Variants in CSNK1G3 observed in about 807,000 individuals in gnomAD.
CSNK1G3 encodes the protein casein kinase 1 gamma 3, also known as casein kinase I isoform gamma-3.
Under a neutral mutation model 64.3 loss-of-function variants are expected in CSNK1G3, and 23 were observed. The observed-to-expected ratio is 0.36, with a 90% CI of 0.26 to 0.51. The LOEUF (loss-of-function observed/expected upper bound fraction) is 0.51, where lower values mean the gene tolerates loss of function less well. Among genes scored for constraint, CSNK1G3 ranks in the 20% least tolerant of loss-of-function variants. The pLI is 0.96. For synonymous variants in CSNK1G3, 158 were observed against 162.2 expected (o/e 0.97, Z 0.20); for missense variants, 357 against 510.5 (o/e 0.70, Z 2.90).
At chr5:123,596,704 G>A (rs150950061) in intron 10 of CSNK1G3, among the ~76,000 whole-genome samples, 160 of 152,162 alleles carry the variant, frequency 1.1e-3, no homozygotes, top group East Asian at 1.9e-3. Flanking sequence ...AGTTTTCAGC[G>A]TACTGAGACT....
chr5:123,567,692 T>G (rs1173470820), intron 4 of CSNK1G3, among the ~76,000 whole-genome samples: 2 of 152,186 alleles, frequency 1.3e-5, no homozygotes, highest in African/African-American at 2.4e-5. Context: ...AATAAAAGTT[T>G]GTCTTTCACA....
In CSNK1G3 at chr5:123,567,077, A is replaced by AC. The variant is rs1474303009; in HGVS notation, c.290-6315dup. 7.2e-5 allele frequency among the ~76,000 whole-genome samples: 11 copies of AC among 152,352 alleles called. No individual in the cohort carries two copies. The South Asian group carries it at 1.0e-3, about 14-fold the overall frequency. The stretch of plus-strand genomic sequence containing the variant: ...ACAATCATGGCGGAAGGTGAAAGGC[A>AC]CATCTCACTGGCAGACAAGAGCTTG... On this transcript the variant is annotated intron_variant, in intron 4 of 12. Coordinates refer to ENST00000345990, the Ensembl canonical transcript of CSNK1G3.
exon 13 of CSNK1G3, chr5:123,616,768 T>A (rs1188767481): frequency 2.0e-5 from 3 of 152,518 alleles, no homozygotes; most frequent in African/African-American, 4.8e-5. Context: ...GTAGTTTTTT[T>A]AAACTTGCTC....
intron 4 of CSNK1G3, among the ~76,000 whole-genome samples, chr5:123,571,797 G>C (rs924030599): frequency 6.6e-6 from 1 of 152,080 alleles, no homozygotes; most frequent in East Asian, 1.9e-4. Context: ...GTAAAACTGA[G>C]ACATTTGTGG....
chr5:123,519,844 C>CT (rs1714268075), intron 1 of CSNK1G3, among the ~76,000 whole-genome samples: 2 of 152,286 alleles, frequency 1.3e-5, no homozygotes, highest in South Asian at 4.1e-4. Context: ...ATCCTAATTA[C>CT]TAGTGGAGTG....
intron 12 of CSNK1G3, 80 bp from the exon 14 acceptor site, chr5:123,614,262 C>A: frequency 7.2e-7 from 1 of 1,386,282 alleles, no homozygotes; most frequent in South Asian, 1.3e-5. Context: ...TTTTTATGAT[C>A]ATTTAAGTTA....
chr5:123,545,869 G>A (rs1782439482), intron 2 of CSNK1G3, 28 bp downstream of exon 2: 3 of 1,536,110 alleles, frequency 2.0e-6, no homozygotes, highest in Non-Finnish European at 2.7e-6. Context: ...ATTCCATTAT[G>A]TTAGAAACAT....
intron 2 of CSNK1G3, chr5:123,552,826 A>G (rs1783947920): frequency 4.9e-6 from 1 of 205,188 alleles, no homozygotes; most frequent in East Asian, 1.1e-4. Context: ...TTTAAATTGT[A>G]TACAATATTC....
chr5:123,549,674 C>A (rs915264503), intron 2 of CSNK1G3, among the ~76,000 whole-genome samples: 1 of 152,186 alleles, frequency 6.6e-6, no homozygotes, highest in Admixed American at 6.5e-5. Flanking sequence ...GTTTTTCTGC[C>A]ACCTAACCAA....
intron 4 of CSNK1G3, among the ~76,000 whole-genome samples, chr5:123,566,988 G>A (rs529072405): frequency 5.3e-5 from 8 of 152,296 alleles, no homozygotes; most frequent in East Asian, 3.9e-4. Context: ...GCCCTGAGGC[G>A]GGGCAATTTA....
In CSNK1G3 at chr5:123,525,247, T is replaced by C. The variant is rs1483882102; in HGVS notation, c.-248+12677T>C. On this transcript the variant is annotated intron_variant, in intron 1 of 12. Transcript: ENST00000345990. The stretch of plus-strand genomic sequence containing the variant: ...TTTTTTTTTTTAATTAGGGAGAATG[T>C]TAACATGGGAGAGCCTTGATTAAAC... Among the ~76,000 whole-genome samples, 7 of 152,038 alleles carry C rather than the reference T, an allele frequency of 4.6e-5. 1 individual carries two copies. The highest frequency in any genetic ancestry group is 1.7e-4 in the African/African-American group (7 of 41,394).
intron 2 of CSNK1G3, among the ~76,000 whole-genome samples, chr5:123,546,981 G>A (rs186973373): frequency 1.3e-5 from 2 of 152,108 alleles, no homozygotes; most frequent in East Asian, 1.9e-4. Flanking sequence ...TTATTTGAAG[G>A]GTATTGAATT....
At chr5:123,533,385 T>C (rs1020793607) in intron 1 of CSNK1G3, among the ~76,000 whole-genome samples, 2 of 151,972 alleles carry the variant, frequency 1.3e-5, no homozygotes, top group African/African-American at 4.8e-5. Flanking sequence ...ATCAGTTATC[T>C]ATCGTACGGT....
intron 2 of CSNK1G3, among the ~76,000 whole-genome samples, chr5:123,547,531 A>C (rs1315175834): frequency 6.6e-6 from 1 of 152,146 alleles, no homozygotes; most frequent in Non-Finnish European, 1.5e-5. Flanking sequence ...AACTGTATGT[A>C]CCATATACTG....
intron 3 of CSNK1G3, 76 bp downstream of exon 3, chr5:123,553,223 T>C (rs1784023061): frequency 2.6e-6 from 2 of 762,750 alleles, no homozygotes; most frequent in Admixed American, 7.0e-5. Context: ...TTAATTATTT[T>C]TTGTTTTCAT....
At chr5:123,517,048 A>G (rs1229114844) in intron 1 of CSNK1G3, among the ~76,000 whole-genome samples, 1 of 152,216 alleles carries the variant, frequency 6.6e-6, no homozygotes, top group Non-Finnish European at 1.5e-5. Flanking sequence ...CATAGTAGGC[A>G]CTGTGTAAAT....
chr5:123,524,409 G>T (rs901669110), intron 1 of CSNK1G3, among the ~76,000 whole-genome samples: 1 of 152,280 alleles, frequency 6.6e-6, no homozygotes, highest in East Asian at 1.9e-4. Flanking sequence ...ATGCCAAAGC[G>T]CCTACAGGCA....
intron 8 of CSNK1G3, 62 bp downstream of exon 8, chr5:123,588,573 G>C: frequency 9.7e-7 from 1 of 1,029,828 alleles, no homozygotes. Flanking sequence ...AATTTTTATT[G>C]CTTAAGTTTA....
At chr5:123,572,708 G>T (rs1788364310) in intron 4 of CSNK1G3, among the ~76,000 whole-genome samples, 1 of 152,156 alleles carries the variant, frequency 6.6e-6, no homozygotes, top group Admixed American at 6.5e-5. Flanking sequence ...ACTGCATGGT[G>T]GTTTGCTACT....
Sources: allele counts gnomAD v4.1 joint callset (sites outside exome capture counted in the v4.1 genomes callset), GRCh38; gene constraint gnomAD v4.1.1; transcripts MANE v1.5; gene names NCBI Gene and HGNC (gene_info 2026-07-23, HGNC 2026-07-21).